Variants in IGSF21 observed in about 807,000 individuals in gnomAD.
The protein encoded by IGSF21 is immunoglobulin superfamily member 21.
A neutral mutation model predicts 46.8 loss-of-function variants in IGSF21; 28 were observed. The ratio of observed to expected loss-of-function variants is 0.60; its 90% confidence interval spans 0.44 to 0.82. The LOEUF (loss-of-function observed/expected upper bound fraction) is 0.82. Ranked by LOEUF, IGSF21 falls within the 40% of genes least tolerant of loss-of-function variation. The pLI, the probability that IGSF21 is intolerant of heterozygous loss-of-function variation, is 0.00. For synonymous variants in IGSF21, 284 were observed against 273.6 expected, an observed-to-expected ratio of 1.04 and a Z score of -0.38; for missense variants, 624 against 665.5, an observed-to-expected ratio of 0.94 and a Z score of 0.69.
intron 1 of IGSF21, among the ~76,000 whole-genome samples, chr1:18,119,316 TG>T (rs1299321942): frequency 2.0e-5 from 3 of 152,234 alleles, no homozygotes; most frequent in Non-Finnish European, 4.4e-5. Context: ...TTTCAATAAG[TG>T]GCCATGTGTG....
chr1:18,157,393 T>C (rs1228992499), intron 1 of IGSF21, among the ~76,000 whole-genome samples: 2 of 152,274 alleles, frequency 1.3e-5, no homozygotes, highest in East Asian at 3.9e-4. Context: ...AGCTCAGGTT[T>C]ACTGCTCCCC....
chr1:18,334,871 C>T lies in IGSF21; in HGVS notation c.306-21C>T, dbSNP rs1197899235. The stretch of plus-strand genomic sequence containing the variant: ...CAGCCCCACGATGAAGGGCCCTCAC[C>T]CTGTCTTCTGCCTCCCCCAGGCTGC... On this transcript the variant is annotated intron_variant, in intron 3 of 9. Transcript: ENST00000251296. The surrounding 1 kb of genome is among the most constrained non-coding windows in gnomAD (Gnocchi z 4.3). 4.4e-6 allele frequency: 7 copies of T among 1,589,380 alleles called. No homozygotes were observed. Among genetic ancestry groups the T allele is most frequent in the Non-Finnish European group, 6.0e-6 (7 of 1,157,770 alleles).
chr1:18,267,876 A>G (rs1208752101), intron 2 of IGSF21, among the ~76,000 whole-genome samples: 2 of 152,242 alleles, frequency 1.3e-5, no homozygotes, highest in East Asian at 1.9e-4. Context: ...TCATTCACTC[A>G]TGTATTGTCT....
intron 4 of IGSF21, chr1:18,361,265 A>G (rs1310126150): frequency 6.6e-6 from 1 of 152,250 alleles, no homozygotes; most frequent in Non-Finnish European, 1.5e-5. Flanking sequence ...CTCTCAGGAT[A>G]AAGAAGAAAA....
chr1:18,288,652 C>T (rs2085238207), intron 2 of IGSF21, among the ~76,000 whole-genome samples: 1 of 152,220 alleles, frequency 6.6e-6, no homozygotes, highest in Non-Finnish European at 1.5e-5. Context: ...CCTCTAACCA[C>T]CAGGAACCAC....
intron 1 of IGSF21, among the ~76,000 whole-genome samples, chr1:18,133,085 G>A (rs1007584690): frequency 9.2e-5 from 14 of 152,302 alleles, no homozygotes; most frequent in Admixed American, 7.2e-4. Context: ...AAATCAGTCC[G>A]GTTTTAAAAG....
At chr1:18,147,607 T>C (rs1171601453) in intron 1 of IGSF21, among the ~76,000 whole-genome samples, 1 of 152,182 alleles carries the variant, frequency 6.6e-6, no homozygotes, top group Non-Finnish European at 1.5e-5. Flanking sequence ...TTAATAATTT[T>C]GTTGGTTTTT....
chr1:18,209,600 G>A (rs1224145647), intron 1 of IGSF21, among the ~76,000 whole-genome samples: 5 of 148,996 alleles, frequency 3.4e-5, no homozygotes, highest in Admixed American at 1.3e-4. Flanking sequence ...GAATACAGGC[G>A]CCCGCCACCA....
intron 4 of IGSF21, among the ~76,000 whole-genome samples, chr1:18,352,131 T>C (rs981898092): frequency 3.7e-4 from 57 of 152,280 alleles, no homozygotes; most frequent in African/African-American, 1.3e-3. Flanking sequence ...TCCAGAGGGT[T>C]CTCTCCTGTG....
intron 1 of IGSF21, among the ~76,000 whole-genome samples, chr1:18,168,394 C>T (rs1046980456): frequency 1.3e-5 from 2 of 152,116 alleles, no homozygotes; most frequent in African/African-American, 4.8e-5. Context: ...AAATAAGAAC[C>T]ACTGTAATAT....
rs1019126329 is a variant in IGSF21, at chr1:18,278,576, C to A, written c.184-13290C>A. 3.8e-4 allele frequency among the ~76,000 whole-genome samples: 56 copies of A among 145,992 alleles called. 3 individuals carry two copies. On this transcript the variant is annotated intron_variant, in intron 2 of 9. Coordinates refer to ENST00000251296, the MANE Select transcript of IGSF21 (RefSeq NM_032880.5). ...GTTTGTTTGTTTGTTTGTTTTGAGA[C>A]AGGGTCTTGTCCTGTCACCCAGGCT...
intron 1 of IGSF21, among the ~76,000 whole-genome samples, chr1:18,159,439 A>G (rs1448778321): frequency 6.6e-6 from 1 of 152,190 alleles, no homozygotes; most frequent in East Asian, 1.9e-4. Context: ...TGTAGCTCCC[A>G]TAATTCCCAT....
At chr1:18,129,557 T>A (rs570240745) in intron 1 of IGSF21, among the ~76,000 whole-genome samples, 1 of 152,250 alleles carries the variant, frequency 6.6e-6, no homozygotes, top group Admixed American at 6.5e-5. Flanking sequence ...CGGGCAAGAC[T>A]CAGAGGCTGA....
chr1:18,272,713 G>T (rs995693134), intron 2 of IGSF21, among the ~76,000 whole-genome samples: 10 of 152,226 alleles, frequency 6.6e-5, no homozygotes, highest in African/African-American at 2.4e-4. Context: ...GGACCTGGCT[G>T]CCCTGGGGCA....
chr1:18,351,167 C>T (rs981735635), intron 4 of IGSF21, among the ~76,000 whole-genome samples: 2 of 152,138 alleles, frequency 1.3e-5, no homozygotes, highest in African/African-American at 2.4e-5. Flanking sequence ...CCCTGACTCT[C>T]GGTTGACACC....
chr1:18,299,825 C>T (rs2085344228), intron 3 of IGSF21, among the ~76,000 whole-genome samples: 1 of 152,170 alleles, frequency 6.6e-6, no homozygotes, highest in African/African-American at 2.4e-5. Context: ...GCTTTCCACC[C>T]CAAGTGGGAA....
At chr1:18,352,059 G>A (rs368459735) in intron 4 of IGSF21, among the ~76,000 whole-genome samples, 19 of 152,184 alleles carry the variant, frequency 1.2e-4, no homozygotes, top group East Asian at 9.6e-4. Context: ...ACCGGTTGTG[G>A]GGAGTGGAGC....
chr1:18,278,014 G>T (rs2085119506), intron 2 of IGSF21, among the ~76,000 whole-genome samples: 2 of 152,122 alleles, frequency 1.3e-5, no homozygotes, highest in South Asian at 2.1e-4. Context: ...GCAATTCATT[G>T]TGTGTAAATT....
chr1:18,305,816 C>A (rs780358308), intron 3 of IGSF21, among the ~76,000 whole-genome samples: 2 of 152,220 alleles, frequency 1.3e-5, no homozygotes, highest in Non-Finnish European at 1.5e-5. Context: ...AGCAACACTG[C>A]ACAAAGCTGC....
Sources: gnomAD v4.1 joint callset for allele counts (sites outside exome capture counted in the v4.1 genomes callset) on GRCh38, gnomAD v4.1.1 for gene constraint, Gnocchi (gnomAD v3.1) non-coding constraint, MANE v1.5 for transcripts, NCBI Gene and HGNC (gene_info 2026-07-23, HGNC 2026-07-21) for gene names.